Variants in SVIL observed in about 807,000 individuals in gnomAD.
The protein encoded by SVIL is supervillin.
A neutral mutation model predicts 240.4 loss-of-function variants in SVIL; 101 were observed. The observed-to-expected ratio is 0.42, with a 90% CI of 0.36 to 0.50. SVIL has a LOEUF of 0.50. SVIL is among the 20% of genes least tolerant of loss of function. SVIL has a pLI of 0.01. For missense variants in SVIL, 2,512 were observed against 2,818.7 expected (o/e 0.89, Z 2.46); for synonymous variants, 999 against 1,100.0 (o/e 0.91, Z 1.82).
chr10:29,615,836 C>A (rs1957408584), intron 1 of SVIL, among the ~76,000 whole-genome samples: 1 of 152,176 alleles, frequency 6.6e-6, no homozygotes, highest in South Asian at 2.1e-4. Flanking sequence ...TTAGAGATAT[C>A]TGCCTCTTTG....
At chr10:29,722,189 C>T (rs1964027734) in intron 1 of SVIL, among the ~76,000 whole-genome samples, 1 of 147,106 alleles carries the variant, frequency 6.8e-6, no homozygotes, top group African/African-American at 2.5e-5. Flanking sequence ...AGTGACTGCA[C>T]TCCAGCCTGG....
At chr10:29,468,599 T>A (rs1478504059) in intron 32 of SVIL, among the ~76,000 whole-genome samples, 1 of 151,714 alleles carries the variant, frequency 6.6e-6, no homozygotes, top group Non-Finnish European at 1.5e-5. Flanking sequence ...AATTTAAAAT[T>A]TGTGGGTATA....
chr10:29,589,591 T>C (rs1956306361), intron 1 of SVIL, among the ~76,000 whole-genome samples: 1 of 152,152 alleles, frequency 6.6e-6, no homozygotes, highest in South Asian at 2.1e-4. Flanking sequence ...TGGGGGCTGT[T>C]TGAGCCCTAA....
intron 3 of SVIL, among the ~76,000 whole-genome samples, chr10:29,655,593 G>A (rs896480615): frequency 2.0e-5 from 3 of 152,138 alleles, no homozygotes; most frequent in Admixed American, 6.5e-5. Context: ...AAGCCCCTCA[G>A]AGACACACCC....
intron 2 of SVIL, among the ~76,000 whole-genome samples, chr10:29,677,105 TAA>T (rs1960260278): frequency 6.6e-6 from 1 of 152,216 alleles, no homozygotes; most frequent in Non-Finnish European, 1.5e-5. Flanking sequence ...TGCCAGGGAC[TAA>T]ATAGTATTAA....
intron 1 of SVIL, among the ~76,000 whole-genome samples, chr10:29,718,280 C>T (rs1278878371): frequency 2.0e-5 from 3 of 151,466 alleles, no homozygotes; most frequent in Admixed American, 6.6e-5. Flanking sequence ...GAGCCGAGAT[C>T]GCGCCACTGC....
chr10:29,654,511 C>A (rs546227328), intron 3 of SVIL, among the ~76,000 whole-genome samples: 2 of 152,250 alleles, frequency 1.3e-5, no homozygotes, highest in African/African-American at 4.8e-5. Flanking sequence ...AATCTGGAAG[C>A]CTCTTATTTC....
intron 20 of SVIL, among the ~76,000 whole-genome samples, chr10:29,494,003 T>C (rs569271371): frequency 9.5e-4 from 145 of 152,122 alleles, no homozygotes; most frequent in Non-Finnish European, 1.8e-3. Flanking sequence ...TCCCCATCTC[T>C]ACAAAAACAG....
intron 15 of SVIL, 57 bp from the exon 16 acceptor site, chr10:29,522,692 C>T (rs963510014): frequency 6.4e-7 from 1 of 1,557,624 alleles, no homozygotes; most frequent in Non-Finnish European, 8.7e-7. Context: ...ATTCTTCCAG[C>T]GATTCGCCCT....
chr10:29,462,257 G>A lies in SVIL; in HGVS notation c.6402+20C>T, dbSNP rs1440697390. The A allele has an allele frequency of 3.3e-5, 54 of 1,613,076 alleles. No individual in the cohort carries two copies. Among genetic ancestry groups the A allele is most frequent in the Non-Finnish European group, 4.5e-5 (53 of 1,179,568 alleles). On this transcript the variant is annotated intron_variant, in intron 36 of 37. Coordinates refer to ENST00000355867, the MANE Select transcript of SVIL (RefSeq NM_021738.3). Reference sequence around the variant, plus strand: ...AAAAGGCGCAGGAGCCACCTTCATAGGGCAGGAAAGCGTGCTCACCATCTC... The same window carrying A: ...AAAAGGCGCAGGAGCCACCTTCATAAGGCAGGAAAGCGTGCTCACCATCTC...
chr10:29,512,590 G>T, intron 17 of SVIL, 145 bp downstream of exon 17: 1 of 1,380,434 alleles, frequency 7.2e-7, no homozygotes, highest in Non-Finnish European at 1.0e-6. Context: ...TAGCTGCTCT[G>T]TGACAGACTC....
chr10:29,678,933 CA>C (rs575881661), intron 2 of SVIL, among the ~76,000 whole-genome samples: 1 of 152,320 alleles, frequency 6.6e-6, no homozygotes, highest in African/African-American at 2.4e-5. Flanking sequence ...TGGCCAGGCA[CA>C]GTGGCTCATG....
chr10:29,655,146 G>A (rs555280568), intron 3 of SVIL, among the ~76,000 whole-genome samples: 45 of 152,314 alleles, frequency 3.0e-4, no homozygotes, highest in African/African-American at 1.0e-3. Context: ...ACATATACAT[G>A]TGAAAGGGAA....
At chr10:29,647,425 G>T (rs901990011) in intron 3 of SVIL, among the ~76,000 whole-genome samples, 12 of 151,766 alleles carry the variant, frequency 7.9e-5, no homozygotes, top group African/African-American at 2.4e-4. Flanking sequence ...CAAGTTTTAT[G>T]GTTATACAAC....
intron 1 of SVIL, among the ~76,000 whole-genome samples, chr10:29,689,586 GTC>G (rs1206664988): frequency 6.6e-5 from 10 of 152,178 alleles, no homozygotes; most frequent in Non-Finnish European, 1.5e-4. Context: ...GCCCAGCCGA[GTC>G]TCTTTTTCAT....
intron 1 of SVIL, among the ~76,000 whole-genome samples, chr10:29,570,852 A>C (rs576862175): frequency 6.6e-6 from 1 of 152,370 alleles, no homozygotes; most frequent in East Asian, 1.9e-4. Context: ...GTCTTTGGAG[A>C]AATGTGTATA....
At chr10:29,615,793 C>T (rs1006910008) in intron 1 of SVIL, among the ~76,000 whole-genome samples, 1 of 152,144 alleles carries the variant, frequency 6.6e-6, no homozygotes, top group Admixed American at 6.5e-5. Flanking sequence ...AATTTAAGTA[C>T]AAAAATGTTT....
At chr10:29,631,208 G>T (rs1469999159) in intron 1 of SVIL, among the ~76,000 whole-genome samples, 1 of 152,252 alleles carries the variant, frequency 6.6e-6, no homozygotes, top group East Asian at 1.9e-4. Flanking sequence ...CATGTAAGCA[G>T]TGAGGAACGA....
At chr10:29,623,934 T>C (rs576175241) in intron 1 of SVIL, among the ~76,000 whole-genome samples, 2 of 152,302 alleles carry the variant, frequency 1.3e-5, no homozygotes, top group Non-Finnish European at 2.9e-5. Flanking sequence ...AACCGTAGTA[T>C]GTAGTGGGCT....
Sources: allele counts gnomAD v4.1 joint callset (sites outside exome capture counted in the v4.1 genomes callset), GRCh38; gene constraint gnomAD v4.1.1; transcripts MANE v1.5; gene names NCBI Gene and HGNC (gene_info 2026-07-23, HGNC 2026-07-21).